The following ARHGEF3 variants were observed in gnomAD, a reference collection of about 807,000 sequenced individuals.
ARHGEF3 encodes Rho guanine nucleotide exchange factor 3.
ARHGEF3 carries 28 observed loss-of-function variants against 63.2 expected under a neutral mutation model. That is an observed-to-expected ratio of 0.44 (90% CI 0.33 to 0.61). The LOEUF (loss-of-function observed/expected upper bound fraction) is 0.61. Ranked by LOEUF, ARHGEF3 falls within the 20% of genes least tolerant of loss-of-function variation. ARHGEF3 has a pLI of 0.03. For synonymous variants in ARHGEF3, 266 were observed against 254.2 expected (o/e 1.05, Z -0.44); for missense variants, 533 against 659.3 (o/e 0.81, Z 2.10).
intron 2 of ARHGEF3, among the ~76,000 whole-genome samples, chr3:57,017,698 C>T (rs1163312449): frequency 2.0e-5 from 3 of 152,158 alleles, no homozygotes; most frequent in Non-Finnish European, 4.4e-5. Flanking sequence ...CCCACGATGT[C>T]GTCACGGCTG....
intron 4 of ARHGEF3, among the ~76,000 whole-genome samples, chr3:56,836,895 C>T (rs1340985694): frequency 1.3e-5 from 2 of 151,988 alleles, no homozygotes; most frequent in African/African-American, 4.8e-5. Flanking sequence ...CCACTGCACT[C>T]CAGCCTGGGT....
intron 4 of ARHGEF3, among the ~76,000 whole-genome samples, chr3:56,868,008 A>G (rs910109770): frequency 6.6e-6 from 1 of 152,164 alleles, no homozygotes; most frequent in Admixed American, 6.5e-5. Flanking sequence ...AATAAAATCA[A>G]TAGCAAAGGC....
In ARHGEF3 at chr3:56,968,177, TAAA is replaced by T. The variant is rs1237704113; in HGVS notation, c.63-9291_63-9289del. On this transcript the variant is annotated intron_variant, in intron 2 of 12. Coordinates refer to the ARHGEF3 transcript ENST00000338458. ...AAAAATATATATTATATAATATATA[TAAA>T]AATATATATTATATATAATATATAA... Among the ~76,000 whole-genome samples the T allele has an allele frequency of 8.1e-4, 17 of 20,976 alleles. No individual in the cohort carries two copies. In the South Asian group the frequency reaches 0.024, roughly 29 times the overall value. The allele number at this position is 20,976 out of a possible 152,430, so 13.8% of individuals were successfully genotyped here. A position where few individuals can be genotyped will look rare whatever the true frequency, so the allele number is the denominator to read the frequency against.
intron 2 of ARHGEF3, among the ~76,000 whole-genome samples, chr3:56,764,037 G>A (rs1559917385): frequency 6.6e-6 from 1 of 151,304 alleles, no homozygotes; most frequent in East Asian, 1.9e-4. Flanking sequence ...TTTACAATCT[G>A]ATTCAGATTG....
intron 3 of ARHGEF3, among the ~76,000 whole-genome samples, chr3:56,956,366 A>G (rs1041739267): frequency 6.6e-6 from 1 of 152,018 alleles, no homozygotes; most frequent in Non-Finnish European, 1.5e-5. Flanking sequence ...AATCTTCCTG[A>G]GTCCCTAAGA....
At chr3:56,844,516 A>C (rs1236918331) in intron 4 of ARHGEF3, among the ~76,000 whole-genome samples, 1 of 152,228 alleles carries the variant, frequency 6.6e-6, no homozygotes, top group East Asian at 1.9e-4. Context: ...TATTTAATAA[A>C]ATAAAACAAA....
At chr3:56,779,458 T>C (rs2036447733) in intron 1 of ARHGEF3, among the ~76,000 whole-genome samples, 1 of 152,092 alleles carries the variant, frequency 6.6e-6, no homozygotes, top group African/African-American at 2.4e-5. Context: ...CTGCCTATGG[T>C]GCATGTCAAA....
chr3:56,998,868 T>C (rs990555155), intron 2 of ARHGEF3, among the ~76,000 whole-genome samples: 1 of 152,186 alleles, frequency 6.6e-6, no homozygotes, highest in Non-Finnish European at 1.5e-5. Context: ...CATGTCCACC[T>C]TTAAGCACGT....
At chr3:56,856,848 C>A (rs540364755) in intron 4 of ARHGEF3, among the ~76,000 whole-genome samples, 1 of 151,314 alleles carries the variant, frequency 6.6e-6, no homozygotes, top group Non-Finnish European at 1.5e-5. Flanking sequence ...CAAGATGAAC[C>A]AACTTACTCT....
At chr3:56,792,296 A>C (rs1110866) in intron 1 of ARHGEF3, among the ~76,000 whole-genome samples, 47,015 of 151,982 alleles carry the variant, frequency 0.31, 8,091 homozygotes, top group Middle Eastern at 0.55. Flanking sequence ...GGTTATAATG[A>C]GTATATAATC....
chr3:56,899,358 T>C (rs867133392), intron 3 of ARHGEF3, among the ~76,000 whole-genome samples: 1 of 152,210 alleles, frequency 6.6e-6, no homozygotes, highest in Admixed American at 6.5e-5. Flanking sequence ...TGTCAATTCA[T>C]TGTCCATCGT....
chr3:56,827,411 G>A (rs1233605588), intron 4 of ARHGEF3, among the ~76,000 whole-genome samples: 1 of 152,164 alleles, frequency 6.6e-6, no homozygotes, highest in Non-Finnish European at 1.5e-5. Context: ...AGTGGTCCAG[G>A]TTTAAATCTC....
intron 1 of ARHGEF3, among the ~76,000 whole-genome samples, chr3:57,040,943 T>C (rs1283617564): frequency 2.0e-5 from 3 of 152,054 alleles, no homozygotes; most frequent in Non-Finnish European, 4.4e-5. Context: ...GCCTCTCACA[T>C]ACAGTGACCC....
At chr3:56,942,104 T>C (rs572939803) in intron 3 of ARHGEF3, among the ~76,000 whole-genome samples, 1 of 152,356 alleles carries the variant, frequency 6.6e-6, no homozygotes, top group Non-Finnish European at 1.5e-5. Context: ...TGCAAAGTAC[T>C]AGGAGCAGTA....
chr3:56,775,348 C>T, intron 1 of ARHGEF3: 2 of 1,120,444 alleles, frequency 1.8e-6, no homozygotes, highest in South Asian at 3.8e-5. Context: ...AGACTGTCTC[C>T]AAGCTTTCCA....
chr3:57,060,591 G>C (rs1247618885), intron 1 of ARHGEF3: 1 of 152,254 alleles, frequency 6.6e-6, no homozygotes, highest in Non-Finnish European at 1.5e-5. Flanking sequence ...TTTGCTGGGA[G>C]TTGAGCTGTG....
intron 1 of ARHGEF3, chr3:56,774,926 CAA>C (rs562504829): frequency 1.6e-4 from 157 of 995,052 alleles, no homozygotes; most frequent in East Asian, 3.9e-4. Flanking sequence ...ACAACAACAA[CAA>C]AAAAAAAACA....
chr3:56,742,571 T>C (rs1191177785), intron 7 of ARHGEF3, among the ~76,000 whole-genome samples: 1 of 152,134 alleles, frequency 6.6e-6, no homozygotes, highest in Non-Finnish European at 1.5e-5. Context: ...GCTTGTTTTA[T>C]GTTTTATGTT....
chr3:56,945,162 C>T (rs1366449079), intron 3 of ARHGEF3, among the ~76,000 whole-genome samples: 1 of 152,096 alleles, frequency 6.6e-6, no homozygotes, highest in African/African-American at 2.4e-5. Flanking sequence ...TGAATAGGAA[C>T]AGCTCCAGTC....
Sources: gnomAD v4.1 joint callset for allele counts (sites outside exome capture counted in the v4.1 genomes callset) on GRCh38, gnomAD v4.1.1 for gene constraint, MANE v1.5 for transcripts, NCBI Gene and HGNC (gene_info 2026-07-23, HGNC 2026-07-21) for gene names.